Variants in CDC42SE2 observed in about 807,000 individuals in gnomAD.
CDC42SE2 encodes CDC42 small effector protein 2.
CDC42SE2 carries 3 observed loss-of-function variants against 11.5 expected under a neutral mutation model. The observed-to-expected ratio is 0.26, with a 90% CI of 0.12 to 0.67. The LOEUF (loss-of-function observed/expected upper bound fraction) is 0.67, where lower values mean the gene tolerates loss of function less well. CDC42SE2 is among the 30% of genes least tolerant of loss of function. The pLI, the probability that CDC42SE2 is intolerant of heterozygous loss-of-function variation, is 0.80. For synonymous variants in CDC42SE2, 33 were observed against 34.8 expected, an observed-to-expected ratio of 0.95 and a Z score of 0.18; for missense variants, 82 against 106.8, an observed-to-expected ratio of 0.77 and a Z score of 1.02.
chr5:131,240,000 T>C, the CDC42SE2 span, among the ~76,000 whole-genome samples: 52 of 152,248 alleles, frequency 3.4e-4, 1 homozygote, highest in Admixed American at 3.4e-3. Flanking sequence ...CTCCTTTGAT[T>C]GTTAAACCCC....
chr5:131,384,896 A>G lies in CDC42SE2; in HGVS notation c.55-647A>G, dbSNP rs915741620. ...CAGTTAAAAGACCAGCCTGGGTAAC[A>G]TAGCAAGACTCCATCTCAAAAAAAA... On this transcript the variant is annotated intron_variant, in intron 3 of 4. Transcript: ENST00000505065. 4.8e-5 allele frequency among the ~76,000 whole-genome samples: 7 copies of G among 146,042 alleles called. 1 individual carries two copies. The highest frequency in any genetic ancestry group is 4.4e-4 in the South Asian group (2 of 4,576).
chr5:131,226,980 A>T, the CDC42SE2 span, among the ~76,000 whole-genome samples: 1 of 152,376 alleles, frequency 6.6e-6, no homozygotes, highest in South Asian at 2.1e-4. Context: ...CTGAGTTACT[A>T]ATATGATTCT....
intron 2 of CDC42SE2, among the ~76,000 whole-genome samples, chr5:131,342,896 A>G (rs1758746828): frequency 6.6e-6 from 1 of 152,034 alleles, no homozygotes; most frequent in Admixed American, 6.6e-5. Context: ...TATTTTTAGT[A>G]GGAACGGGGT....
chr5:131,296,566 C>T (rs755461875), intron 1 of CDC42SE2, among the ~76,000 whole-genome samples: 10 of 152,132 alleles, frequency 6.6e-5, no homozygotes, highest in Non-Finnish European at 1.5e-4. Context: ...CATCACATGG[C>T]CTTCTCCTTC....
At chr5:131,236,004 A>G in the CDC42SE2 span, among the ~76,000 whole-genome samples, 1 of 152,210 alleles carries the variant, frequency 6.6e-6, no homozygotes, top group African/African-American at 2.4e-5. Context: ...CGTTTTTTAT[A>G]TGTGTTCATA....
chr5:131,385,519 A>C, intron 3 of CDC42SE2, 24 bp from the exon 4 acceptor site: 1 of 1,538,500 alleles, frequency 6.5e-7, no homozygotes, highest in Non-Finnish European at 9.0e-7. Flanking sequence ...CACTTTCTCA[A>C]CACATTTGTT....
At chr5:131,231,511 G>A in the CDC42SE2 span, among the ~76,000 whole-genome samples, 13 of 152,192 alleles carry the variant, frequency 8.5e-5, no homozygotes, top group East Asian at 2.5e-3. Flanking sequence ...TTTCGGTCTG[G>A]GCCAGTTTGG....
At chr5:131,339,016 G>A (rs538613775) in intron 2 of CDC42SE2, among the ~76,000 whole-genome samples, 16 of 152,108 alleles carry the variant, frequency 1.1e-4, no homozygotes, top group Middle Eastern at 3.4e-3. Context: ...GGGAGACCGA[G>A]GCGGGTGGAT....
At chr5:131,262,865 C>T (rs1342108845), upstream of CDC42SE2, among the ~76,000 whole-genome samples, 5 of 151,832 alleles carry the variant, frequency 3.3e-5, no homozygotes, top group East Asian at 5.8e-4. Context: ...GCCATGGATG[C>T]GGAGGGCTGA....
At chr5:131,229,232 C>G in the CDC42SE2 span, among the ~76,000 whole-genome samples, 1 of 151,952 alleles carries the variant, frequency 6.6e-6, no homozygotes, top group Non-Finnish European at 1.5e-5. Flanking sequence ...CCAGACTGAT[C>G]TCAAACTCAT....
intron 1 of CDC42SE2, among the ~76,000 whole-genome samples, chr5:131,307,255 C>G (rs1337000738): frequency 7.3e-6 from 1 of 136,196 alleles, no homozygotes; most frequent in Non-Finnish European, 1.5e-5. Flanking sequence ...TGTGATGTTC[C>G]CCTTCCTGTG....
chr5:131,351,017 C>T (rs896502256), intron 2 of CDC42SE2, among the ~76,000 whole-genome samples: 7 of 152,112 alleles, frequency 4.6e-5, no homozygotes, highest in African/African-American at 1.7e-4. Context: ...ACAGTCATGG[C>T]TCACTGCAGC....
At chr5:131,384,323 C>T (rs1750410710) in intron 3 of CDC42SE2, among the ~76,000 whole-genome samples, 2 of 152,312 alleles carry the variant, frequency 1.3e-5, no homozygotes. Context: ...GTCATGTTTT[C>T]ACCCTGAGGA....
chr5:131,346,792 T>A (rs1001541551), intron 2 of CDC42SE2, among the ~76,000 whole-genome samples: 2 of 152,166 alleles, frequency 1.3e-5, no homozygotes, highest in Admixed American at 1.3e-4. Context: ...ACAGAAATTA[T>A]AACAAACTGT....
chr5:131,358,406 A>G (rs754252125), intron 2 of CDC42SE2, among the ~76,000 whole-genome samples: 2 of 152,136 alleles, frequency 1.3e-5, no homozygotes, highest in Non-Finnish European at 2.9e-5. Flanking sequence ...GCTGCTTGTC[A>G]GCATTATTAC....
intron 1 of CDC42SE2, among the ~76,000 whole-genome samples, chr5:131,308,523 A>C (rs900128022): frequency 6.6e-6 from 1 of 151,684 alleles, no homozygotes; most frequent in African/African-American, 2.4e-5. Context: ...TGAATCTGTA[A>C]ATTACCTTGG....
At chr5:131,265,962 C>T (rs1756849709) in intron 1 of CDC42SE2, among the ~76,000 whole-genome samples, 1 of 152,100 alleles carries the variant, frequency 6.6e-6, no homozygotes, top group South Asian at 2.1e-4. Context: ...GATTCCTTTT[C>T]TATAAGAAAT....
chr5:131,349,747 A>G (rs965344158), intron 2 of CDC42SE2, among the ~76,000 whole-genome samples: 19 of 151,810 alleles, frequency 1.3e-4, no homozygotes, highest in African/African-American at 4.6e-4. Flanking sequence ...AGACTAAGGG[A>G]AAAATGTACA....
chr5:131,253,866 G>A (rs965428121), intron 1 of CDC42SE2, among the ~76,000 whole-genome samples: 14 of 152,216 alleles, frequency 9.2e-5, no homozygotes, highest in African/African-American at 2.9e-4. Context: ...AAATACTTGC[G>A]TTAGGTTTTT....
Sources: allele counts gnomAD v4.1 joint callset (sites outside exome capture counted in the v4.1 genomes callset), GRCh38; gene constraint gnomAD v4.1.1; transcripts MANE v1.5; gene names NCBI Gene and HGNC (gene_info 2026-07-23, HGNC 2026-07-21).